RABGAP1L: variants seen among roughly 807,000 people sequenced by gnomAD.
RABGAP1L encodes rab GTPase-activating protein 1-like.
RABGAP1L carries 63 observed loss-of-function variants against 137.7 expected under a neutral mutation model. That is an observed-to-expected ratio of 0.46 (90% CI 0.37 to 0.56). The LOEUF (loss-of-function observed/expected upper bound fraction) is 0.56. RABGAP1L is among the 20% of genes least tolerant of loss of function. The pLI is 0.00. For synonymous variants in RABGAP1L, 431 were observed against 433.7 expected (o/e 0.99, Z 0.08); for missense variants, 1,095 against 1,244.0 (o/e 0.88, Z 1.80).
intron 13 of RABGAP1L, among the ~76,000 whole-genome samples, chr1:174,473,816 T>A (rs1184406850): frequency 6.6e-6 from 1 of 152,200 alleles, no homozygotes; most frequent in Non-Finnish European, 1.5e-5. Context: ...CTAAAGCTCC[T>A]GCAGAGAATC....
At chr1:174,899,257 G>A (rs1657738720) in intron 19 of RABGAP1L, among the ~76,000 whole-genome samples, 1 of 152,134 alleles carries the variant, frequency 6.6e-6, no homozygotes, top group South Asian at 2.1e-4. Flanking sequence ...TTAAATAAAT[G>A]GATCGTAGAG....
At chr1:174,580,924 A>G (rs970249014) in intron 13 of RABGAP1L, among the ~76,000 whole-genome samples, 3 of 152,226 alleles carry the variant, frequency 2.0e-5, no homozygotes, top group African/African-American at 7.2e-5. Context: ...CTAGCACATG[A>G]AAAGATGCTT....
intron 13 of RABGAP1L, among the ~76,000 whole-genome samples, chr1:174,521,508 T>G (rs942687724): frequency 6.6e-6 from 1 of 152,240 alleles, no homozygotes; most frequent in Non-Finnish European, 1.5e-5. Flanking sequence ...GACTTCTGGT[T>G]AGATACAAAG....
intron 12 of RABGAP1L, among the ~76,000 whole-genome samples, chr1:174,383,385 C>T (rs1240144068): frequency 6.6e-6 from 1 of 151,876 alleles, no homozygotes; most frequent in Non-Finnish European, 1.5e-5. Flanking sequence ...GCCCCTCCCC[C>T]AGCCTCACTG....
chr1:174,349,679 T>G (rs1465493955), intron 11 of RABGAP1L, among the ~76,000 whole-genome samples: 63 of 84,914 alleles, frequency 7.4e-4, no homozygotes, highest in East Asian at 1.6e-3. Context: ...TGGCCGGGCG[T>G]GGGGCTGACA....
chr1:174,200,780 T>TA (rs1165740626), intron 1 of RABGAP1L, among the ~76,000 whole-genome samples: 3 of 152,222 alleles, frequency 2.0e-5, no homozygotes, highest in Admixed American at 6.5e-5. Flanking sequence ...ATTTGATACA[T>TA]ACAATTTTAG....
chr1:174,566,756 G>C (rs1667612605), intron 13 of RABGAP1L, among the ~76,000 whole-genome samples: 1 of 152,000 alleles, frequency 6.6e-6, no homozygotes, highest in Non-Finnish European at 1.5e-5. Context: ...TTTCCTGATG[G>C]CACTATTGAT....
intron 13 of RABGAP1L, among the ~76,000 whole-genome samples, chr1:174,505,703 A>C (rs1423442297): frequency 6.6e-6 from 1 of 152,182 alleles, no homozygotes; most frequent in Non-Finnish European, 1.5e-5. Flanking sequence ...GTTGGTGGGA[A>C]TATAAATTGG....
intron 13 of RABGAP1L, among the ~76,000 whole-genome samples, chr1:174,475,098 G>A (rs1246044509): frequency 6.6e-6 from 1 of 152,050 alleles, no homozygotes; most frequent in Non-Finnish European, 1.5e-5. Context: ...ACAAGCAGGT[G>A]TGATGAACCT....
In RABGAP1L at chr1:174,993,911, A is replaced by G. The variant is rs1411519184; in HGVS notation, c.*3910A>G. 1.3e-5 allele frequency: 2 copies of G among 152,202 alleles called. No individual in the cohort carries two copies. The highest frequency in any genetic ancestry group is 4.8e-5 in the African/African-American group (2 of 41,454). 9.4% of individuals were successfully genotyped at this position (152,202 alleles called of 1,614,324 possible). A position where few individuals can be genotyped will look rare whatever the true frequency, so the allele number is the denominator to read the frequency against. On this transcript the variant is annotated 3_prime_UTR_variant, in exon 26 of 26. Transcript: ENST00000681986. ...ATGATTTGAACACTATTAGGTTTGTATGTGTGTTTAATTGGAAGAATTTTA... is the reference window on the plus strand; with the variant it reads ...ATGATTTGAACACTATTAGGTTTGTGTGTGTGTTTAATTGGAAGAATTTTA...
intron 19 of RABGAP1L, among the ~76,000 whole-genome samples, chr1:174,932,666 A>C (rs946862161): frequency 3.9e-5 from 6 of 152,192 alleles, no homozygotes; most frequent in Admixed American, 2.6e-4. Flanking sequence ...AATTATATAA[A>C]TATCCAATTC....
intron 19 of RABGAP1L, among the ~76,000 whole-genome samples, chr1:174,884,761 T>C (rs185091679): frequency 2.6e-5 from 4 of 152,356 alleles, no homozygotes; most frequent in Admixed American, 2.0e-4. Flanking sequence ...ATTCTCCCTA[T>C]CTCTTGCCAT....
Position 174,683,527 on chromosome 1 carries a change from C to A in RABGAP1L, c.1830C>A (p.Tyr610Ter). 6.3e-7 allele frequency: 1 copy of A among 1,598,332 alleles called. No homozygotes were observed. Reference sequence around the variant, plus strand: ...TCTTTTCATCTTTTCTCTAGGCCTACTCTGTGTATGATGAAGACATTGGGT... The same window carrying A: ...TCTTTTCATCTTTTCTCTAGGCCTAATCTGTGTATGATGAAGACATTGGGT... Reference protein sequence around the residue: ...QESLYKICKAYSVYDEDIGYC... With the variant: ...QESLYKICKA The change falls in exon 15 of 26, where the codon TAC becomes TAA. Residue 610 changes from tyrosine (Y) to a stop codon, truncating the protein, a stop_gained. Coordinates refer to ENST00000681986, the MANE Select transcript of RABGAP1L (RefSeq NM_001366446.1). LOFTEE classifies it high-confidence loss of function.
At chr1:174,308,668 G>C (rs1394097579) in intron 11 of RABGAP1L, among the ~76,000 whole-genome samples, 1 of 151,940 alleles carries the variant, frequency 6.6e-6, no homozygotes, top group Non-Finnish European at 1.5e-5. Context: ...TGGCACCTTT[G>C]TTGAATGCCA....
At chr1:174,460,162 G>A (rs765724678) in intron 13 of RABGAP1L, among the ~76,000 whole-genome samples, 1 of 152,098 alleles carries the variant, frequency 6.6e-6, no homozygotes, top group Non-Finnish European at 1.5e-5. Context: ...GTAAAAGGAT[G>A]AGTTATAGCA....
intron 13 of RABGAP1L, among the ~76,000 whole-genome samples, chr1:174,427,144 A>G (rs571118625): frequency 0.015 from 2,104 of 144,736 alleles, 113 homozygotes; most frequent in African/African-American, 0.051. Context: ...CCGCATGTTT[A>G]TGTGTGTGTG....
At chr1:174,167,095 A>C (rs1664973767) in intron 1 of RABGAP1L, among the ~76,000 whole-genome samples, 1 of 152,226 alleles carries the variant, frequency 6.6e-6, no homozygotes, top group Non-Finnish European at 1.5e-5. Context: ...CCTGTTCCAC[A>C]ATATAGCACA....
At chr1:174,514,872 G>C (rs2147818396) in intron 13 of RABGAP1L, among the ~76,000 whole-genome samples, 1 of 152,158 alleles carries the variant, frequency 6.6e-6, no homozygotes, top group South Asian at 2.1e-4. Flanking sequence ...TGCTTTATAT[G>C]CTTAAAAATT....
At chr1:174,801,336 C>G (rs1040841250) in intron 18 of RABGAP1L, among the ~76,000 whole-genome samples, 60 of 152,186 alleles carry the variant, frequency 3.9e-4, no homozygotes, top group Admixed American at 3.0e-3. Flanking sequence ...CTATGGTTCT[C>G]TCATATTAGA....
Sources: allele counts gnomAD v4.1 joint callset (sites outside exome capture counted in the v4.1 genomes callset), GRCh38; gene constraint gnomAD v4.1.1; transcripts MANE v1.5; gene names NCBI Gene and HGNC (gene_info 2026-07-23, HGNC 2026-07-21).